The following CYP4F3 variants were observed in gnomAD, a reference collection of about 807,000 sequenced individuals.
CYP4F3 encodes cytochrome P450 4F3.
A neutral mutation model predicts 54.8 loss-of-function variants in CYP4F3; 50 were observed. The observed-to-expected ratio is 0.91, with a 90% confidence interval of 0.73 to 1.16. CYP4F3 has a LOEUF of 1.16. Ranked by LOEUF, CYP4F3 falls within the 50% of genes most tolerant of loss-of-function variation. CYP4F3 has a pLI of 0.00. For synonymous variants in CYP4F3, 244 were observed against 262.6 expected, an observed-to-expected ratio of 0.93 and a Z score of 0.69; for missense variants, 715 against 676.2, an observed-to-expected ratio of 1.06 and a Z score of -0.64.
chr19:15,643,471 C>T (rs75615347), intron 2 of CYP4F3, among the ~76,000 whole-genome samples: 1 of 152,096 alleles, frequency 6.6e-6, no homozygotes, highest in African/African-American at 2.4e-5. Flanking sequence ...GACAGGCAGA[C>T]AGACAGATAG....
chr19:15,650,071 C>A lies in CYP4F3; in HGVS notation c.806C>A (p.Ala269Asp), dbSNP rs1805040. Reference sequence around the variant, plus strand: ...CGCCTGGTGCACGACTTCACAGATGCCGTCATCCAGGAGCGGCGCCGCACC... The same window carrying A: ...CGCCTGGTGCACGACTTCACAGATGACGTCATCCAGGAGCGGCGCCGCACC... ...ACRLVHDFTD[A>D]VIQERRRTLP... Residue 269 changes from alanine to aspartate, a missense_variant, in exon 7 of 13, where the codon GCC (alanine) becomes GAC (aspartate). Transcript: ENST00000221307. The A allele has an allele frequency of 0.14, 233,980 of 1,614,098 alleles. 17,350 individuals carry two copies. The highest frequency in any genetic ancestry group is 0.18 in the East Asian group (8,135 of 44,884).
At position 15,650,016 on chromosome 19, in the gene CYP4F3, C is replaced by T; in HGVS notation, c.751C>T (p.Pro251Ser). The change falls in exon 7 of 13, where the codon CCT (proline) becomes TCT (serine). Residue 251 changes from proline to serine, a missense_variant. Transcript: ENST00000221307. ...CATAGACTTCCTGTATTATCTCACC[C>T]CTGATGGGCAGCGTTTCCGCAGGGC... ...LYIDFLYYLT[P>S]DGQRFRRACR... 1 of 1,614,206 alleles carries T rather than the reference C, an allele frequency of 6.2e-7. No homozygotes were observed. Among genetic ancestry groups the T allele is most frequent in the Non-Finnish European group, 8.5e-7 (1 of 1,180,038 alleles).
At chr19:15,646,941 T>G in intron 3 of CYP4F3, 111 bp from the exon 4 acceptor site, 1 of 1,471,338 alleles carries the variant, frequency 6.8e-7, no homozygotes, top group Non-Finnish European at 9.3e-7. Context: ...CTTCTTGCTA[T>G]GTGGGGCTTG....
At position 15,658,376 on chromosome 19, in the gene CYP4F3, G is replaced by A. The variant is rs369343629; in HGVS notation, c.1228G>A (p.Asp410Asn). Residue 410 changes from aspartate (D) to asparagine (N), a missense_variant, in exon 10 of 13, where the codon GAC becomes AAC. Coordinates refer to ENST00000221307, the MANE Select transcript of CYP4F3 (RefSeq NM_000896.3). The part of the protein sequence containing the change: ...RCCTQDIVLP[D>N]GRVIPKGIIC... ...CTGCACCCAAGACATTGTGCTCCCA[G>A]ACGGCCGGGTCATCCCCAAAGGTGC... 1.1e-3 allele frequency: 1,729 copies of A among 1,614,132 alleles called. 38 individuals are homozygous for A. The South Asian group carries it at 0.018, about 17-fold the overall frequency.
At chr19:15,651,704 T>A (rs1245023508) in intron 7 of CYP4F3, among the ~76,000 whole-genome samples, 4 of 149,848 alleles carry the variant, frequency 2.7e-5, no homozygotes, top group African/African-American at 9.7e-5. Flanking sequence ...TCCATGTTTA[T>A]GTCTATGAGT....
Position 15,652,817 on chromosome 19 carries a change from C to T in CYP4F3, c.986-6C>T, listed in dbSNP as rs773787198. The T allele has an allele frequency of 1.4e-5, 23 of 1,609,686 alleles. No homozygotes were observed. Among genetic ancestry groups the T allele is most frequent in the Non-Finnish European group, 2.0e-5 (23 of 1,177,836 alleles). On this transcript the variant is annotated splice_region_variant and splice_polypyrimidine_tract_variant and intron_variant, in intron 8 of 12. Coordinates refer to ENST00000221307, the MANE Select transcript of CYP4F3 (RefSeq NM_000896.3). ...AGAGACCCAAGCCTGCCTTGCTGCCCCCCAGGCCATGACACCACAGCCAGT... is the reference window on the plus strand; with the variant it reads ...AGAGACCCAAGCCTGCCTTGCTGCCTCCCAGGCCATGACACCACAGCCAGT...
At position 15,652,664 on chromosome 19, in the gene CYP4F3, G is replaced by A. The variant is rs757864219; in HGVS notation, c.985+29G>A. ...AGGGCCCCAGTGTGGGGCTAGAGTG[G>A]GGACTTGGATATCTCCATTCCAGGA... On this transcript the variant is annotated intron_variant, in intron 8 of 12. Coordinates refer to ENST00000221307, the MANE Select transcript of CYP4F3 (RefSeq NM_000896.3). The A allele has an allele frequency of 9.9e-6, 16 of 1,613,928 alleles. No homozygotes were observed. In the Admixed American group the frequency reaches 2.3e-4, roughly 24 times the overall value.
intron 2 of CYP4F3, chr19:15,643,895 C>A: frequency 2.6e-6 from 4 of 1,551,490 alleles, no homozygotes; most frequent in Non-Finnish European, 3.5e-6. Context: ...ACGGCCCCTG[C>A]CTTGCTTGCA....
At chr19:15,658,431 T>G in intron 10 of CYP4F3, 34 bp downstream of exon 10, 1 of 1,613,676 alleles carries the variant, frequency 6.2e-7, no homozygotes, top group East Asian at 2.2e-5. Context: ...GCCTCCTGGG[T>G]AGGAAGAGGG....
chr19:15,651,670 T>C (rs1314867329), intron 7 of CYP4F3, among the ~76,000 whole-genome samples: 1 of 140,472 alleles, frequency 7.1e-6, no homozygotes, highest in Non-Finnish European at 1.5e-5. Context: ...TGAATTTGCC[T>C]GTGCCTGTGT....
At chr19:15,650,703 TCTTTCTTTCTTTC>T (rs1972786372) in intron 7 of CYP4F3, among the ~76,000 whole-genome samples, 1 of 87,042 alleles carries the variant, frequency 1.1e-5, no homozygotes, top group African/African-American at 6.1e-5. Flanking sequence ...TTTCTTTCTT[TCTTTCTTTCTTTC>T]TTTCTTTCTT....
At position 15,654,117 on chromosome 19, in the gene CYP4F3, G is replaced by C. The variant is rs538350525; in HGVS notation, c.1115+1165G>C. On this transcript the variant is annotated intron_variant, in intron 9 of 12. Transcript: ENST00000221307. ...AGGAAGGAGAGGAAGCATTGGAGTG[G>C]ACGGGTGTCTTGGACTCAGTGTCCT... Among the ~76,000 whole-genome samples the C allele has an allele frequency of 7.2e-5, 11 of 152,288 alleles. No individual in the cohort carries two copies. In the East Asian group the frequency reaches 1.7e-3, roughly 24 times the overall value.
intron 5 of CYP4F3, among the ~76,000 whole-genome samples, chr19:15,648,953 C>T (rs1972705928): frequency 2.6e-5 from 4 of 152,178 alleles, no homozygotes; most frequent in Admixed American, 6.5e-5. Context: ...GGAACTTGAA[C>T]CTAGGTCTCC....
chr19:15,641,538 C>T lies in CYP4F3; in HGVS notation c.123C>T (p.Phe41=). 1 of 1,614,202 alleles carries T rather than the reference C, an allele frequency of 6.2e-7. No individual in the cohort carries two copies. The part of the protein sequence containing the change: ...LARILAWTYT[F]YDNCCRLRCF... ...GCATCCTGGCCTGGACCTATACCTT[C>T]TATGACAACTGCTGCCGCCTCCGGT... Residue 41 remains phenylalanine, a synonymous_variant, in exon 2 of 13, where the codon TTC becomes TTT. Coordinates refer to ENST00000221307, the MANE Select transcript of CYP4F3 (RefSeq NM_000896.3).
intron 7 of CYP4F3, 179 bp downstream of exon 7, chr19:15,650,362 G>C: frequency 8.2e-7 from 1 of 1,219,954 alleles, no homozygotes; most frequent in Non-Finnish European, 1.2e-6. Flanking sequence ...ACCTACCAGG[G>C]GACTGCTAAA....
Position 15,661,817 on chromosome 19 carries a change from A to G in CYP4F3, c.*2432A>G, listed in dbSNP as rs1973189128. The G allele has an allele frequency of 6.6e-6, 1 of 152,184 alleles. No individual in the cohort carries two copies. The allele number at this position is 152,184 out of a possible 1,614,324, so 9.4% of individuals were successfully genotyped here. The stretch of plus-strand genomic sequence containing the variant: ...GGAACTCTTTGCTTAACTGGAGGTC[A>G]TGGAGATTTTCTCCTACATTTTCTT... On this transcript the variant is annotated 3_prime_UTR_variant, in exon 13 of 13. Transcript: ENST00000221307.
chr19:15,653,032 GT>G, intron 9 of CYP4F3, 80 bp downstream of exon 9: 1 of 1,511,748 alleles, frequency 6.6e-7, no homozygotes. Flanking sequence ...AGAAGGGGTT[GT>G]TTTTGTTGAT....
In CYP4F3 at chr19:15,647,306, G is replaced by C; in HGVS notation, c.507G>C (p.Glu169Asp). The C allele has an allele frequency of 6.2e-7, 1 of 1,614,236 alleles. No homozygotes were observed. Residue 169 changes from glutamate (E) to aspartate (D), a missense_variant, in exon 5 of 13, where the codon GAG becomes GAC. Coordinates refer to ENST00000221307, the MANE Select transcript of CYP4F3 (RefSeq NM_000896.3). ...ILKPYMKIFNESVNIMHAKWQ... is the reference protein window; with the variant it reads ...ILKPYMKIFNDSVNIMHAKWQ... ...AGCCCTATATGAAGATTTTCAATGA[G>C]AGTGTGAACATCATGCATGTGAGTT...
intron 2 of CYP4F3, among the ~76,000 whole-genome samples, chr19:15,644,514 A>G (rs551591103): frequency 6.6e-6 from 1 of 152,322 alleles, no homozygotes; most frequent in African/African-American, 2.4e-5. Context: ...GTGCAGGGTG[A>G]TGCAATTGGG....
Sources: allele counts gnomAD v4.1 joint callset (sites outside exome capture counted in the v4.1 genomes callset), GRCh38; gene constraint gnomAD v4.1.1; transcripts MANE v1.5; gene names NCBI Gene and HGNC (gene_info 2026-07-23, HGNC 2026-07-21).